Variants in SERPINB4 observed in about 807,000 individuals in gnomAD.
SERPINB4 encodes serpin B4.
Under a neutral mutation model 33.2 loss-of-function variants are expected in SERPINB4, and 39 were observed. The observed-to-expected ratio is 1.18, with a 90% CI of 0.91 to 1.53. The LOEUF is 1.53. SERPINB4 is among the 40% of genes most tolerant of loss of function. The probability of loss-of-function intolerance (pLI) is 0.00; values close to 1 mark genes in which losing one functional copy is unlikely to be tolerated. For missense variants in SERPINB4, 564 were observed against 455.4 expected (o/e 1.24, Z -2.17); for synonymous variants, 191 against 166.4 (o/e 1.15, Z -1.14).
chr18:63,639,110 T>C, intron 7 of SERPINB4, 75 bp downstream of exon 7: 1 of 1,462,644 alleles, frequency 6.8e-7, no homozygotes, highest in Non-Finnish European at 9.2e-7. Flanking sequence ...TCATAAGCTT[T>C]TACCTTGTTT....
In SERPINB4 at chr18:63,641,861, G is replaced by A. The variant is rs750588873; in HGVS notation, c.250C>T (p.Gln84Ter). ...AATTCAGTCAGAAGCTTTTGAAACT[G>A]GTGATGAACATTTCCTGACCTATCA... ...HVDRSGNVHH[Q>*]FQKLLTEFNK... The change falls in exon 4 of 8, where the codon CAG (glutamine) becomes TAG (stop). Residue 84 changes from glutamine (Q) to a stop codon, truncating the protein, a stop_gained. Coordinates refer to ENST00000341074, the MANE Select transcript of SERPINB4 (RefSeq NM_002974.4). LOFTEE classifies it high-confidence loss of function. 1 of 1,613,254 alleles carries A rather than the reference G, an allele frequency of 6.2e-7. No homozygotes were observed. Among genetic ancestry groups the A allele is most frequent in the East Asian group, 2.2e-5 (1 of 44,868 alleles).
At position 63,639,750 on chromosome 18, in the gene SERPINB4, C is replaced by T. The variant is rs1913064346; in HGVS notation, c.496G>A (p.Gly166Arg). The change falls in exon 6 of 8, where the codon GGG becomes AGG. Residue 166 changes from glycine to arginine, a missense_variant. Gly to Arg is a moderately radical substitution (Grantham distance 125, BLOSUM62 -2). Transcript: ENST00000341074. ...NEKIKNLFPD[G>R]TIGNDTTLVL... ...AGTGTCGTATCATTGCCAATAGTCC[C>T]ATCAGGAAATAGGTTTTTAATTTTT... The T allele has an allele frequency of 2.5e-6, 4 of 1,611,688 alleles. No homozygotes were observed. Among genetic ancestry groups the T allele is most frequent in the Non-Finnish European group, 3.4e-6 (4 of 1,178,402 alleles).
At chr18:63,643,328 C>A (rs1216430820) in intron 2 of SERPINB4, 85 bp downstream of exon 2, 2 of 1,608,658 alleles carry the variant, frequency 1.2e-6, no homozygotes, top group African/African-American at 1.3e-5. Flanking sequence ...ACCCATCAGA[C>A]CACCACATCT....
chr18:63,638,373 T>A (rs767444519), intron 7 of SERPINB4, among the ~76,000 whole-genome samples: 5 of 152,082 alleles, frequency 3.3e-5, no homozygotes, highest in Non-Finnish European at 5.9e-5. Flanking sequence ...TATGTATATG[T>A]GTACATATGT....
Position 63,639,648 on chromosome 18 carries a change from A to AT in SERPINB4, c.597dup (p.Phe200IlefsTer21), listed in dbSNP as rs1368324677. On this transcript the variant is annotated frameshift_variant, in exon 6 of 8. Coordinates refer to ENST00000341074, the MANE Select transcript of SERPINB4 (RefSeq NM_002974.4). LOFTEE classifies it high-confidence loss of function. The stretch of plus-strand genomic sequence containing the variant: ...ATAGACAATACCTTGTTTGGCCAAA[A>AT]TTTTTCCTCTTTAGTGTTTTCTTTT... 1 of 1,604,190 alleles carries AT rather than the reference A, an allele frequency of 6.2e-7. No individual in the cohort carries two copies. Among genetic ancestry groups the AT allele is most frequent in the Admixed American group, 1.7e-5 (1 of 59,624 alleles).
At chr18:63,642,340 A>T (rs1453568153) in intron 3 of SERPINB4, among the ~76,000 whole-genome samples, 2 of 152,240 alleles carry the variant, frequency 1.3e-5, no homozygotes, top group South Asian at 4.1e-4. Flanking sequence ...TGTAGGACAC[A>T]TTGACTGATC....
Position 63,639,477 on chromosome 18 carries a change from C to A in SERPINB4, c.613-137G>T. 3 of 1,057,382 alleles carry A rather than the reference C, an allele frequency of 2.8e-6. 1 individual carries two copies. Among genetic ancestry groups the A allele is most frequent in the Non-Finnish European group, 4.0e-6 (3 of 746,812 alleles). The allele number at this position is 1,057,382 out of a possible 1,614,324, so 65.5% of individuals were successfully genotyped here. A position where few individuals can be genotyped will look rare whatever the true frequency, so the allele number is the denominator to read the frequency against. On this transcript the variant is annotated intron_variant, in intron 6 of 7. Transcript: ENST00000341074. The stretch of plus-strand genomic sequence containing the variant: ...CCATGAGTTAGAAACAATAGTTTTT[C>A]AGGTATTCCTAACTAAATAAAGTTA...
Position 63,639,712 on chromosome 18 carries a change from G to T in SERPINB4, c.534C>A (p.Asn178Lys), listed in dbSNP as rs763091506. 6.2e-7 allele frequency: 1 copy of T among 1,611,254 alleles called. No homozygotes were observed. The highest frequency in any genetic ancestry group is 1.1e-5 in the South Asian group (1 of 90,978). ...CCCACTGCCCTTTGAAATAGATTGC[G>T]TTCACAAGAACCAGTGTCGTATCAT... Reference protein sequence around the residue: ...IGNDTTLVLVNAIYFKGQWEN... With the variant: ...IGNDTTLVLVKAIYFKGQWEN... Residue 178 changes from asparagine to lysine, a missense_variant, in exon 6 of 8, where the codon AAC becomes AAA. Transcript: ENST00000341074.
rs367655936 is a variant in SERPINB4, at chr18:63,639,311, C to G, written c.642G>C (p.Arg214Ser). Residue 214 changes from arginine to serine, a missense_variant, in exon 7 of 8, where the codon AGG (arginine) becomes AGC (serine). Coordinates refer to ENST00000341074, the MANE Select transcript of SERPINB4 (RefSeq NM_002974.4). The stretch of plus-strand genomic sequence containing the variant: ...AGGCAAAATTAAAGGAATTGTATTG[C>G]CTCATCATCTGTACAGATTTGTATG... ...KNTYKSVQMM[R>S]QYNSFNFALL... The G allele has an allele frequency of 1.9e-6, 3 of 1,612,074 alleles. No individual in the cohort carries two copies. In the South Asian group the frequency reaches 3.3e-5, roughly 18 times the overall value.
intron 2 of SERPINB4, 90 bp from the exon 3 acceptor site, chr18:63,643,307 C>G: frequency 6.2e-7 from 1 of 1,606,882 alleles, no homozygotes; most frequent in Non-Finnish European, 8.5e-7. Flanking sequence ...TCCTGCACAG[C>G]CCCCTGTGCT....
rs1269410037 is a variant in SERPINB4, at chr18:63,640,861, G to A, written c.469+13C>T. On this transcript the variant is annotated intron_variant, in intron 5 of 7. Transcript: ENST00000341074. The stretch of plus-strand genomic sequence containing the variant: ...TTTCTCAAAGGTGTTTCTATAATGG[G>A]TGGCTCTCCTACCATTCGTTTGACT... 1.2e-6 allele frequency: 2 copies of A among 1,602,206 alleles called. No individual in the cohort carries two copies. Among genetic ancestry groups the A allele is most frequent in the African/African-American group, 1.3e-5 (1 of 74,654 alleles).
intron 7 of SERPINB4, 22 bp from the exon 8 acceptor site, chr18:63,638,145 A>T: frequency 6.2e-7 from 1 of 1,603,304 alleles, no homozygotes; most frequent in Non-Finnish European, 8.5e-7. Context: ...GAAAAAAGAA[A>T]CTGATATGAC....
rs1427675398 is a variant in SERPINB4 at position 63,637,681 on chromosome 18, G to A, written c.*38C>T. The A allele has an allele frequency of 3.2e-6, 5 of 1,555,972 alleles. No individual in the cohort carries two copies. In the South Asian group the frequency reaches 5.0e-5, roughly 15 times the overall value. On this transcript the variant is annotated 3_prime_UTR_variant, in exon 8 of 8. Transcript: ENST00000341074. ...AATCAGTTTACCAGAACACCTCTAG[G>A]TGAACATTTTCTAAATGGAGTGACA...
In SERPINB4 at chr18:63,639,334, A is replaced by C; in HGVS notation, c.619T>G (p.Tyr207Asp). Residue 207 changes from tyrosine (Y) to aspartate (D), a missense_variant, in exon 7 of 8, where the codon TAC (tyrosine) becomes GAC (aspartate). Physicochemically the swap from Tyr to Asp is radical, Grantham distance 160 (BLOSUM62 -3). Transcript: ENST00000341074. ...EEKFWPNKNT[Y>D]KSVQMMRQYN... ...TGCCTCATCATCTGTACAGATTTGT[A>C]TGTATTCTGCAATAAATCAATGTGT... 1 of 1,603,516 alleles carries C rather than the reference A, an allele frequency of 6.2e-7. No individual in the cohort carries two copies. The highest frequency in any genetic ancestry group is 8.5e-7 in the Non-Finnish European group (1 of 1,173,314).
rs143517145 is a variant in SERPINB4 at position 63,639,092 on chromosome 18, C to A, written c.768+93G>T. On this transcript the variant is annotated intron_variant, in intron 7 of 7. Coordinates refer to ENST00000341074, the MANE Select transcript of SERPINB4 (RefSeq NM_002974.4). ...TTTAGAATTTTTCATCATTTTGAGG[C>A]AACTCGGTCATAAGCTTTTACCTTG... The A allele has an allele frequency of 1.1e-4, 150 of 1,374,308 alleles. No individual in the cohort carries two copies. In the African/African-American group the frequency reaches 2.0e-3, roughly 18 times the overall value. 85.1% of individuals were successfully genotyped at this position (1,374,308 alleles called of 1,614,324 possible).
intron 4 of SERPINB4, among the ~76,000 whole-genome samples, chr18:63,641,452 G>A: frequency 6.6e-6 from 1 of 152,044 alleles, no homozygotes; most frequent in Non-Finnish European, 1.5e-5. Flanking sequence ...CCACCAAGAT[G>A]TATCGTATGT....
intron 5 of SERPINB4, 98 bp from the exon 6 acceptor site, chr18:63,639,874 C>T (rs1913069828): frequency 1.8e-6 from 2 of 1,138,710 alleles, no homozygotes; most frequent in Admixed American, 2.1e-5. Context: ...TAATTATTGA[C>T]CCAAATCCCT....
At position 63,639,357 on chromosome 18, in the gene SERPINB4, T is replaced by G. The variant is rs1252230175; in HGVS notation, c.613-17A>C. 2 of 1,588,888 alleles carry G rather than the reference T, an allele frequency of 1.3e-6. No individual in the cohort carries two copies. Among genetic ancestry groups the G allele is most frequent in the East Asian group, 4.5e-5 (2 of 44,320 alleles). On this transcript the variant is annotated splice_polypyrimidine_tract_variant and intron_variant, in intron 6 of 7. Transcript: ENST00000341074. ...GTATGTATTCTGCAATAAATCAATG[T>G]GTCCAACAAATAACACGTGAAACAC...
Position 63,641,853 on chromosome 18 carries a change from T to C in SERPINB4, c.258A>G (p.Gln86=). 1 of 1,613,376 alleles carries C rather than the reference T, an allele frequency of 6.2e-7. No homozygotes were observed. The highest frequency in any genetic ancestry group is 8.5e-7 in the Non-Finnish European group (1 of 1,179,512). The change falls in exon 4 of 8, where the codon CAA becomes CAG. Residue 86 remains glutamine, a synonymous_variant. Coordinates refer to ENST00000341074, the MANE Select transcript of SERPINB4 (RefSeq NM_002974.4). ...DRSGNVHHQF[Q]KLLTEFNKST... Reference sequence around the variant, plus strand: ...ATTTGTTGAATTCAGTCAGAAGCTTTTGAAACTGGTGATGAACATTTCCTG... The same window carrying C: ...ATTTGTTGAATTCAGTCAGAAGCTTCTGAAACTGGTGATGAACATTTCCTG...
Sources: allele counts gnomAD v4.1 joint callset (sites outside exome capture counted in the v4.1 genomes callset), GRCh38; gene constraint gnomAD v4.1.1; transcripts MANE v1.5; gene names NCBI Gene and HGNC (gene_info 2026-07-23, HGNC 2026-07-21).